The following SDHB variants were observed in gnomAD, a reference collection of about 807,000 sequenced individuals.
SDHB encodes the protein succinate dehydrogenase complex iron sulfur subunit B.
A neutral mutation model predicts 39.7 loss-of-function variants in SDHB; 21 were observed. The observed-to-expected ratio is 0.53, with a 90% CI of 0.37 to 0.76. The LOEUF (loss-of-function observed/expected upper bound fraction) is 0.76. Ranked by LOEUF, SDHB falls within the 30% of genes least tolerant of loss-of-function variation. The pLI is 0.00. For synonymous variants in SDHB, 118 were observed against 117.0 expected (o/e 1.01, Z -0.06); for missense variants, 343 against 350.9 (o/e 0.98, Z 0.18).
intron 1 of SDHB, among the ~76,000 whole-genome samples, chr1:17,053,391 C>A (rs538354113): frequency 6.6e-6 from 1 of 152,256 alleles, no homozygotes; most frequent in East Asian, 1.9e-4. Context: ...CCCCCACCAC[C>A]CACCTCCGGG....
rs760565241 is a variant in SDHB at position 17,054,006 on chromosome 1, A to C, written c.14T>G (p.Val5Gly). The change falls in exon 1 of 8, where the codon GTC becomes GGC. Residue 5 changes from valine (V) to glycine (G), a missense_variant. Coordinates refer to ENST00000375499, the MANE Select transcript of SDHB (RefSeq NM_003000.3). MAAVVALSLRRRLPA... is the reference protein window; with the variant it reads MAAVGALSLRRRLPA... Reference sequence around the variant, plus strand: ...CAACCGGCGCCTCAAGGAGAGGGCGACCACCGCCGCCATCTTGGCTCCTGA... The same window carrying C: ...CAACCGGCGCCTCAAGGAGAGGGCGCCCACCGCCGCCATCTTGGCTCCTGA... 18 of 1,610,618 alleles carry C rather than the reference A, an allele frequency of 1.1e-5. No individual in the cohort carries two copies. Among genetic ancestry groups the C allele is most frequent in the Non-Finnish European group, 1.3e-5 (15 of 1,178,560 alleles).
intron 2 of SDHB, among the ~76,000 whole-genome samples, chr1:17,038,540 T>A (rs1382166269): frequency 6.6e-6 from 1 of 152,250 alleles, no homozygotes; most frequent in Non-Finnish European, 1.5e-5. Context: ...CAAGCTTACA[T>A]ATGCCTTCTA....
chr1:17,022,518 T>G (rs1440395826), intron 7 of SDHB, 90 bp downstream of exon 7: 10 of 1,535,746 alleles, frequency 6.5e-6, no homozygotes, highest in Non-Finnish European at 8.1e-6. Context: ...ATGACTAGGG[T>G]TGCTCTCTGC....
intron 3 of SDHB, 58 bp downstream of exon 3, chr1:17,033,002 C>G: frequency 1.5e-6 from 2 of 1,379,090 alleles, no homozygotes; most frequent in Non-Finnish European, 2.1e-6. Flanking sequence ...CTTTGGCCAG[C>G]CCAAGCCTCT....
At chr1:17,034,904 G>A (rs375614611) in intron 2 of SDHB, among the ~76,000 whole-genome samples, 2 of 152,088 alleles carry the variant, frequency 1.3e-5, no homozygotes. Context: ...CATTTACTCT[G>A]CCAGGTTCTG....
chr1:17,029,964 G>A lies in SDHB; in HGVS notation c.287-1228C>T, dbSNP rs531293964. 2.0e-5 allele frequency among the ~76,000 whole-genome samples: 3 copies of A among 152,320 alleles called. No individual in the cohort carries two copies. The South Asian group carries it at 6.2e-4, about 32-fold the overall frequency. On this transcript the variant is annotated intron_variant, in intron 3 of 7. Coordinates refer to ENST00000375499, the MANE Select transcript of SDHB (RefSeq NM_003000.3). ...CACCTGGAATCCCAGCACTTTGGGAGGCTGAGGTGGGCAGATCACTTGAGG... is the reference window on the plus strand; with the variant it reads ...CACCTGGAATCCCAGCACTTTGGGAAGCTGAGGTGGGCAGATCACTTGAGG...
intron 3 of SDHB, among the ~76,000 whole-genome samples, chr1:17,030,939 A>T (rs2078018836): frequency 6.8e-6 from 1 of 147,920 alleles, no homozygotes; most frequent in Admixed American, 6.9e-5. Flanking sequence ...TCGGCCTCTG[A>T]ATGCCTGGCC....
intron 7 of SDHB, among the ~76,000 whole-genome samples, chr1:17,019,588 A>C (rs572752068): frequency 1.3e-5 from 2 of 152,196 alleles, no homozygotes; most frequent in South Asian, 4.2e-4. Flanking sequence ...TGCTTTTACC[A>C]AGCAAGTACT....
chr1:17,040,900 C>A (rs1013123395), intron 2 of SDHB, among the ~76,000 whole-genome samples: 1 of 152,064 alleles, frequency 6.6e-6, no homozygotes, highest in Non-Finnish European at 1.5e-5. Flanking sequence ...GAGGCCGAGG[C>A]GGGTGAATCA....
At chr1:17,022,775 A>G (rs940695306) in intron 6 of SDHB, 45 bp from the exon 7 acceptor site, 4 of 1,597,220 alleles carry the variant, frequency 2.5e-6, no homozygotes, top group Non-Finnish European at 3.4e-6. Flanking sequence ...TCAACAGGCC[A>G]GAGCGGCACC....
intron 3 of SDHB, 86 bp from the exon 4 acceptor site, chr1:17,028,822 G>GCCCCTGA: frequency 5.3e-6 from 8 of 1,514,260 alleles, no homozygotes; most frequent in Non-Finnish European, 7.3e-6. Flanking sequence ...CCTCCTTGCT[G>GCCCCTGA]TGCCATCAGG....
chr1:17,044,882 G>T lies in SDHB; in HGVS notation c.79C>A (p.Arg27=), dbSNP rs74315369. ...GTGGCTGCAGCTGTCTGGGCTCCTC[G>T]GGAGGCCTGAAATTTTTTAAAGTTC... is the stretch of plus-strand genomic sequence containing the variant. The part of the protein sequence containing the change: ...TLGGACLQAS[R]GAQTAAATAP... Residue 27 remains arginine (R), a synonymous_variant, in exon 2 of 8, where the codon CGA becomes AGA. Transcript: ENST00000375499. The T allele has an allele frequency of 6.2e-7, 1 of 1,613,380 alleles. No individual in the cohort carries two copies. Among genetic ancestry groups the T allele is most frequent in the East Asian group, 2.2e-5 (1 of 44,874 alleles).
intron 4 of SDHB, 82 bp downstream of exon 4, chr1:17,028,518 C>T (rs2101522762): frequency 1.4e-6 from 2 of 1,461,656 alleles, no homozygotes; most frequent in Admixed American, 3.4e-5. Context: ...ACAAATCCTG[C>T]CCTGAAAAAC....
chr1:17,037,526 G>A (rs1293176026), intron 2 of SDHB, among the ~76,000 whole-genome samples: 1 of 150,862 alleles, frequency 6.6e-6, no homozygotes, highest in African/African-American at 2.4e-5. Context: ...GCGTGATCTT[G>A]GCTCACTGCA....
chr1:17,037,396 G>C lies in SDHB; in HGVS notation c.201-4251C>G, dbSNP rs538073743. ...GGCTCACTGCAGCCTCGACCTCCTG[G>C]GTTCAAGTGATCCTCCCACCCCACC... is the stretch of plus-strand genomic sequence containing the variant. On this transcript the variant is annotated intron_variant, in intron 2 of 7. Coordinates refer to ENST00000375499, the MANE Select transcript of SDHB (RefSeq NM_003000.3). Among the ~76,000 whole-genome samples, 7 of 151,564 alleles carry C rather than the reference G, an allele frequency of 4.6e-5. No homozygotes were observed. The South Asian group carries it at 6.3e-4, about 14-fold the overall frequency.
intron 2 of SDHB, among the ~76,000 whole-genome samples, chr1:17,042,993 G>C (rs2078090060): frequency 1.0e-5 from 1 of 97,534 alleles, no homozygotes; most frequent in African/African-American, 4.0e-5. Context: ...ACAGAGTCTT[G>C]CTCTGTCACC....
intron 7 of SDHB, among the ~76,000 whole-genome samples, chr1:17,020,753 A>C (rs1028245045): frequency 1.3e-5 from 2 of 152,210 alleles, no homozygotes; most frequent in Admixed American, 1.3e-4. Flanking sequence ...CTTGCCTCAG[A>C]GGTCAGTAGC....
chr1:17,025,021 T>G (rs1394541065), intron 5 of SDHB, among the ~76,000 whole-genome samples: 3 of 152,180 alleles, frequency 2.0e-5, no homozygotes, highest in Non-Finnish European at 2.9e-5. Flanking sequence ...GCCTTAAGAA[T>G]AGTCATATTC....
intron 2 of SDHB, among the ~76,000 whole-genome samples, chr1:17,042,954 GTTTTT>G (rs143394198): frequency 1.6e-5 from 1 of 62,870 alleles, no homozygotes; most frequent in Non-Finnish European, 2.7e-5. Flanking sequence ...TGTTTTATGA[GTTTTT>G]TTTTTTTTTT....
Sources: allele counts gnomAD v4.1 joint callset (sites outside exome capture counted in the v4.1 genomes callset), GRCh38; gene constraint gnomAD v4.1.1; transcripts MANE v1.5; gene names NCBI Gene and HGNC (gene_info 2026-07-23, HGNC 2026-07-21).